The following CKAP5 variants were observed in gnomAD, a reference collection of about 807,000 sequenced individuals.
CKAP5 encodes cytoskeleton-associated protein 5.
CKAP5 carries 27 observed loss-of-function variants against 232.8 expected under a neutral mutation model. The ratio of observed to expected loss-of-function variants is 0.12; its 90% confidence interval spans 0.09 to 0.16. The LOEUF is 0.16. CKAP5 is among the 10% of genes least tolerant of loss of function. CKAP5 has a pLI of 1.00. For synonymous variants in CKAP5, 785 were observed against 841.1 expected, an observed-to-expected ratio of 0.93 and a Z score of 1.16; for missense variants, 1,838 against 2,424.7, an observed-to-expected ratio of 0.76 and a Z score of 5.08.
At chr11:46,842,915 C>A (rs528835785) in intron 1 of CKAP5, among the ~76,000 whole-genome samples, 1 of 140,866 alleles carries the variant, frequency 7.1e-6, no homozygotes. Context: ...TGCAGTGAGC[C>A]GAGATCGCGC....
At chr11:46,764,822 G>C (rs867354407) in intron 28 of CKAP5, among the ~76,000 whole-genome samples, 6 of 137,322 alleles carry the variant, frequency 4.4e-5, no homozygotes, top group African/African-American at 1.4e-4. Context: ...AGTCTGCCTT[G>C]TAAGGTCTTA....
At chr11:46,772,506 G>A (rs1179298020) in intron 24 of CKAP5, among the ~76,000 whole-genome samples, 1 of 152,042 alleles carries the variant, frequency 6.6e-6, no homozygotes, top group Non-Finnish European at 1.5e-5. Context: ...TTTGTTTATG[G>A]ATGTCCAATT....
At chr11:46,785,427 G>A (rs2065381867) in intron 16 of CKAP5, among the ~76,000 whole-genome samples, 1 of 152,158 alleles carries the variant, frequency 6.6e-6, no homozygotes. Flanking sequence ...CTGGGTTCAA[G>A]CGATTCTCAT....
At chr11:46,825,773 ATT>A (rs952176604) in intron 1 of CKAP5, among the ~76,000 whole-genome samples, 1 of 151,964 alleles carries the variant, frequency 6.6e-6, no homozygotes, top group Admixed American at 6.6e-5. Flanking sequence ...AAAAGAAATT[ATT>A]TTTTTAAAAA....
intron 9 of CKAP5, among the ~76,000 whole-genome samples, chr11:46,800,829 C>T (rs1281464443): frequency 6.6e-6 from 1 of 152,136 alleles, no homozygotes; most frequent in Non-Finnish European, 1.5e-5. Context: ...CATTGCCTTT[C>T]CGACTCTCAT....
rs373170724 is a variant in CKAP5 at position 46,751,295 on chromosome 11, C to T, written c.5323-40G>A. On this transcript the variant is annotated intron_variant, in intron 39 of 43. Transcript: ENST00000529230. ...TGCATGACTGATAGCACTGCCATTT[C>T]CATGATTTTCTCTCAAGCTCCCTCA... 1.9e-6 allele frequency: 3 copies of T among 1,613,982 alleles called. No homozygotes were observed. In the African/African-American group the frequency reaches 4.0e-5, roughly 22 times the overall value.
chr11:46,752,849 C>T, intron 37 of CKAP5, 139 bp from the exon 38 acceptor site: 3 of 599,060 alleles, frequency 5.0e-6, no homozygotes, highest in East Asian at 3.1e-5. Flanking sequence ...TCCTGGACTA[C>T]CTGACATTCA....
rs1409639312 is a variant in CKAP5 at position 46,790,489 on chromosome 11, A to G, written c.1745T>C (p.Ile582Thr). ...KNKKGLETKE[I>T]VEPELSIEVC... Reference sequence around the variant, plus strand: ...ACTGACCGAGAGCTCAGGCTCCACTATTTCTTTAGTCTCCAGTCCTTTCTT... The same window carrying G: ...ACTGACCGAGAGCTCAGGCTCCACTGTTTCTTTAGTCTCCAGTCCTTTCTT... Residue 582 changes from isoleucine (I) to threonine (T), a missense_variant, in exon 14 of 44, where the codon ATA becomes ACA. By Grantham distance (89) the Ile-to-Thr change is moderately conservative. Around this residue, in one of 6 missense-constraint regions of CKAP5, gnomAD observed 767 missense variants for 954.6 expected, o/e 0.80. Transcript: ENST00000529230. 1.9e-6 allele frequency: 3 copies of G among 1,612,974 alleles called. No individual in the cohort carries two copies. Among genetic ancestry groups the G allele is most frequent in the Non-Finnish European group, 1.7e-6 (2 of 1,179,096 alleles).
chr11:46,795,421 C>T (rs1052619839), intron 13 of CKAP5, among the ~76,000 whole-genome samples, 173 bp downstream of exon 13: 1 of 152,114 alleles, frequency 6.6e-6, no homozygotes, highest in Admixed American at 6.5e-5. Flanking sequence ...ATTAAAGCTC[C>T]AAACAGCTGA....
At chr11:46,805,071 T>TAA (rs754853965) in intron 8 of CKAP5, among the ~76,000 whole-genome samples, 1 of 139,720 alleles carries the variant, frequency 7.2e-6, no homozygotes, top group Admixed American at 7.1e-5. Context: ...TACTAAAAAT[T>TAA]AAAAAAAAAA....
chr11:46,777,080 C>T (rs1374841902), intron 23 of CKAP5, among the ~76,000 whole-genome samples: 2 of 152,052 alleles, frequency 1.3e-5, no homozygotes, highest in Admixed American at 6.6e-5. Flanking sequence ...CAAAATGTTA[C>T]ACAATTACGT....
intron 1 of CKAP5, among the ~76,000 whole-genome samples, chr11:46,825,212 G>C (rs1939625260): frequency 6.6e-6 from 1 of 152,146 alleles, no homozygotes; most frequent in African/African-American, 2.4e-5. Flanking sequence ...TGATTTTTCA[G>C]TTTAGTGTTC....
Position 46,750,599 on chromosome 11 carries a change from A to C in CKAP5, c.5473T>G (p.Ser1825Ala), listed in dbSNP as rs1410903552. The C allele has an allele frequency of 1.2e-6, 2 of 1,612,822 alleles. No individual in the cohort carries two copies. Among genetic ancestry groups the C allele is most frequent in the Non-Finnish European group, 1.7e-6 (2 of 1,179,394 alleles). Residue 1825 changes from serine (S) to alanine (A), a missense_variant, in exon 41 of 44, where the codon TCA becomes GCA. Transcript: ENST00000529230. ...AAGAAATCATTCACTTTGGCCTTTGATGATTTTTCATCCTGAAAAGTTGAA... is the reference window on the plus strand; with the variant it reads ...AAGAAATCATTCACTTTGGCCTTTGCTGATTTTTCATCCTGAAAAGTTGAA... ...KGASRIDEKS[S>A]KAKVNDFLAE...
rs553053695 is a variant in CKAP5 at position 46,769,982 on chromosome 11, G to C, written c.3303C>G (p.Ala1101=). ...AGTTACCTGATGCAGGCTGGAATTT[G>C]GCTGGAGCGGACCCTCCCATTGGTT... ...TSKPMGGSAP[A]KFQPASAPAE... is the part of the protein sequence containing the mutation. Residue 1101 remains alanine, a synonymous_variant, in exon 26 of 44, where the codon GCC becomes GCG. Transcript: ENST00000529230. The C allele has an allele frequency of 2.9e-4, 474 of 1,614,136 alleles. 4 individuals are homozygous for C. The South Asian group carries it at 4.9e-3, about 17-fold the overall frequency.
intron 1 of CKAP5, among the ~76,000 whole-genome samples, chr11:46,826,454 C>A (rs1939653983): frequency 1.3e-5 from 2 of 152,178 alleles, no homozygotes; most frequent in African/African-American, 4.8e-5. Flanking sequence ...CAGCTCCACC[C>A]ATTCAGCTCA....
chr11:46,834,124 C>G (rs553463521), intron 1 of CKAP5, among the ~76,000 whole-genome samples: 2 of 152,200 alleles, frequency 1.3e-5, no homozygotes, highest in East Asian at 1.9e-4. Flanking sequence ...CCCGGCTTGG[C>G]CTTTTACTAT....
At position 46,797,679 on chromosome 11, in the gene CKAP5, G is replaced by C. The variant is rs1320729123; in HGVS notation, c.1338+126C>G. ...TTGGATTCAGTTTCCAAGCTGCAAA[G>C]GCTCTGCTCCTCAAAAGATCATAAC... On this transcript the variant is annotated intron_variant, in intron 11 of 43. Transcript: ENST00000529230. The C allele has an allele frequency of 1.2e-5, 11 of 899,392 alleles. No homozygotes were observed. The South Asian group carries it at 1.4e-4, about 11-fold the overall frequency. The allele number at this position is 899,392 out of a possible 1,614,324, so 55.7% of individuals were successfully genotyped here.
intron 20 of CKAP5, among the ~76,000 whole-genome samples, chr11:46,779,248 C>T (rs2065317934): frequency 6.6e-6 from 1 of 150,836 alleles, no homozygotes; most frequent in Non-Finnish European, 1.5e-5. Context: ...ATTCTTATGC[C>T]TCAGCCTCCT....
chr11:46,815,886 T>C (rs904817114), intron 4 of CKAP5, among the ~76,000 whole-genome samples: 2 of 152,208 alleles, frequency 1.3e-5, no homozygotes, highest in Non-Finnish European at 2.9e-5. Context: ...TACAGTGGCC[T>C]GTTAGGAACC....
Sources: gnomAD v4.1 joint callset for allele counts (sites outside exome capture counted in the v4.1 genomes callset) on GRCh38, gnomAD v4.1.1 for gene constraint, gnomAD v4.1.1 regional missense constraint, MANE v1.5 for transcripts, NCBI Gene and HGNC (gene_info 2026-07-23, HGNC 2026-07-21) for gene names.